The following CWC27 variants were observed in gnomAD, a reference collection of about 807,000 sequenced individuals.
CWC27 encodes the protein CWC27 spliceosome associated cyclophilin.
In CWC27, 47 loss-of-function variants were observed where a neutral mutation model predicts 63.6. That is an observed-to-expected ratio of 0.74 (90% CI 0.58 to 0.94). The LOEUF (loss-of-function observed/expected upper bound fraction) is 0.94. Ranked by LOEUF, CWC27 falls within the 40% of genes least tolerant of loss-of-function variation. The probability of loss-of-function intolerance (pLI) is 0.00; values close to 1 mark genes in which losing one functional copy is unlikely to be tolerated. For synonymous variants in CWC27, 175 were observed against 179.8 expected, an observed-to-expected ratio of 0.97 and a Z score of 0.22; for missense variants, 495 against 554.3, an observed-to-expected ratio of 0.89 and a Z score of 1.07.
intron 11 of CWC27, among the ~76,000 whole-genome samples, chr5:64,889,459 A>G (rs549873165): frequency 4.5e-4 from 69 of 152,358 alleles, no homozygotes; most frequent in African/African-American, 1.7e-3. Flanking sequence ...AGAAAATACA[A>G]TATCAATCAA....
intron 11 of CWC27, among the ~76,000 whole-genome samples, chr5:64,898,898 A>T (rs1202396210): frequency 6.6e-6 from 1 of 152,122 alleles, no homozygotes; most frequent in Non-Finnish European, 1.5e-5. Flanking sequence ...GGGGAAGAGG[A>T]AAGAGCAAGT....
At chr5:64,834,114 C>A (rs1580655868) in intron 10 of CWC27, among the ~76,000 whole-genome samples, 1 of 149,164 alleles carries the variant, frequency 6.7e-6, no homozygotes, top group Non-Finnish European at 1.5e-5. Flanking sequence ...AAAGAAATCA[C>A]ATTATATCAT....
At chr5:64,887,276 G>A (rs943482266) in intron 11 of CWC27, among the ~76,000 whole-genome samples, 5 of 152,062 alleles carry the variant, frequency 3.3e-5, no homozygotes, top group Non-Finnish European at 5.9e-5. Context: ...TAATAAATAG[G>A]TAGGTAAAGA....
intron 13 of CWC27, among the ~76,000 whole-genome samples, chr5:65,012,083 G>T (rs1580781737): frequency 6.6e-6 from 1 of 152,054 alleles, no homozygotes; most frequent in East Asian, 1.9e-4. Context: ...GTCCAACCTG[G>T]ATTCATGTCT....
rs1746185972 is a variant in CWC27 at position 64,853,529 on chromosome 5, TA to T, written c.939-31911del. Among the ~76,000 whole-genome samples the T allele has an allele frequency of 2.0e-5, 3 of 152,204 alleles. No homozygotes were observed. In the South Asian group the frequency reaches 6.2e-4, roughly 31 times the overall value. The stretch of plus-strand genomic sequence containing the variant: ...ATATTAGTCCATTCTTATGTTGCTA[TA>T]AAGAAATATTTGAGGGTAAGTAATG... On this transcript the variant is annotated intron_variant, in intron 10 of 13. Transcript: ENST00000381070.
chr5:65,012,066 C>A (rs145898464), intron 13 of CWC27, among the ~76,000 whole-genome samples: 76 of 152,274 alleles, frequency 5.0e-4, no homozygotes, highest in African/African-American at 1.8e-3. Flanking sequence ...TTTGAAATTT[C>A]TTTAATGTCC....
intron 11 of CWC27, among the ~76,000 whole-genome samples, chr5:64,887,392 G>T (rs1747100463): frequency 6.6e-6 from 1 of 151,932 alleles, no homozygotes; most frequent in Non-Finnish European, 1.5e-5. Context: ...TTTTGAGATG[G>T]AGTCTCACTC....
rs79619214 is a variant in CWC27 at position 64,943,068 on chromosome 5, A to G, written c.1043-28635A>G. On this transcript the variant is annotated intron_variant, in intron 11 of 13. Transcript: ENST00000381070. Reference sequence around the variant, plus strand: ...AGACATTGAAAGTCTTAAATGTTTAAAACAGGGCATCAGGTATGCTTTTCA... The same window carrying G: ...AGACATTGAAAGTCTTAAATGTTTAGAACAGGGCATCAGGTATGCTTTTCA... 3.5e-4 allele frequency among the ~76,000 whole-genome samples: 54 copies of G among 152,348 alleles called. 1 individual carries two copies. The East Asian group carries it at 7.7e-3, about 22-fold the overall frequency.
rs763896931 is a variant in CWC27 at position 64,885,477 on chromosome 5, C to T, written c.973C>T (p.Arg325Trp). ...ELRKEARQLK[R>W]ELLAAKQKKV... ...CAGAAAAGAAGCAAGACAATTAAAA[C>T]GGGAACTCTTAGCAGCAAAACAAAA... The change falls in exon 11 of 14, where the codon CGG (arginine) becomes TGG (tryptophan). Residue 325 changes from arginine (R) to tryptophan (W), a missense_variant. Physicochemically the swap from Arg to Trp is moderately radical, Grantham distance 101. Transcript: ENST00000381070. The T allele has an allele frequency of 6.1e-5, 98 of 1,609,202 alleles. No individual in the cohort carries two copies. The highest frequency in any genetic ancestry group is 2.4e-4 in the Admixed American group (14 of 59,402).
At chr5:64,786,650 T>C in intron 6 of CWC27, 23 bp downstream of exon 6, 1 of 1,380,724 alleles carries the variant, frequency 7.2e-7, no homozygotes, top group Non-Finnish European at 9.9e-7. Flanking sequence ...GAGAGATTTT[T>C]CTTCAGCTTG....
Position 64,959,881 on chromosome 5 carries a change from G to T in CWC27, c.1043-11822G>T, listed in dbSNP as rs372777002. Among the ~76,000 whole-genome samples the T allele has an allele frequency of 1.0e-3, 156 of 152,322 alleles. 7 individuals carry two copies. In the South Asian group the frequency reaches 0.032, roughly 31 times the overall value. On this transcript the variant is annotated intron_variant, in intron 11 of 13. Coordinates refer to ENST00000381070, the MANE Select transcript of CWC27 (RefSeq NM_005869.4). ...TATGCTAGGCCACAGTTCTTGCCAT[G>T]TGAGTTTACAGCCTGGAGGGCAATA...
intron 11 of CWC27, among the ~76,000 whole-genome samples, chr5:64,932,480 T>A (rs547270565): frequency 6.6e-6 from 1 of 152,264 alleles, no homozygotes; most frequent in South Asian, 2.1e-4. Context: ...CATGGCACTG[T>A]TTAGAGGAAC....
intron 11 of CWC27, among the ~76,000 whole-genome samples, chr5:64,932,421 G>A (rs1237523718): frequency 6.6e-6 from 1 of 151,716 alleles, no homozygotes; most frequent in African/African-American, 2.4e-5. Context: ...ATTTTGTTTG[G>A]GATGTTTACA....
chr5:64,948,443 C>T (rs148694869), intron 11 of CWC27, among the ~76,000 whole-genome samples: 8 of 151,020 alleles, frequency 5.3e-5, no homozygotes, highest in Non-Finnish European at 1.2e-4. Context: ...ATGTACTAAC[C>T]GTATATATAT....
Position 64,903,501 on chromosome 5 carries a change from G to A in CWC27, c.1042+17955G>A, listed in dbSNP as rs540611875. 4.7e-5 allele frequency among the ~76,000 whole-genome samples: 7 copies of A among 147,520 alleles called. No homozygotes were observed. In the Admixed American group the frequency reaches 4.8e-4, roughly 10 times the overall value. On this transcript the variant is annotated intron_variant, in intron 11 of 13. Coordinates refer to ENST00000381070, the MANE Select transcript of CWC27 (RefSeq NM_005869.4). ...TGAGAACACATGGACACAGGGAGGGGAACATCACACACAGGGGCCTGTTGG... is the reference window on the plus strand; with the variant it reads ...TGAGAACACATGGACACAGGGAGGGAAACATCACACACAGGGGCCTGTTGG...
chr5:64,896,403 T>C (rs1470673484), intron 11 of CWC27, among the ~76,000 whole-genome samples: 1 of 151,980 alleles, frequency 6.6e-6, no homozygotes, highest in East Asian at 1.9e-4. Context: ...TAAATAAATA[T>C]TGAAGGAATA....
At chr5:64,833,360 C>A (rs1047722426) in intron 10 of CWC27, among the ~76,000 whole-genome samples, 2 of 151,702 alleles carry the variant, frequency 1.3e-5, no homozygotes, top group Non-Finnish European at 3.0e-5. Context: ...TTGTAAAGCA[C>A]CCACTTTGAA....
chr5:64,977,007 T>C (rs1480044277), intron 12 of CWC27, 128 bp from the exon 13 acceptor site: 1 of 503,018 alleles, frequency 2.0e-6, no homozygotes, highest in African/African-American at 2.0e-5. Flanking sequence ...TTTTGTTCTT[T>C]TTGTTCAAAA....
intron 13 of CWC27, among the ~76,000 whole-genome samples, chr5:64,996,497 A>G (rs1025451077): frequency 6.6e-6 from 1 of 152,178 alleles, no homozygotes; most frequent in African/African-American, 2.4e-5. Flanking sequence ...CTGAGCATTT[A>G]CAAAGCACCA....
Sources: gnomAD v4.1 joint callset for allele counts (sites outside exome capture counted in the v4.1 genomes callset) on GRCh38, gnomAD v4.1.1 for gene constraint, MANE v1.5 for transcripts, NCBI Gene and HGNC (gene_info 2026-07-23, HGNC 2026-07-21) for gene names.